The following RIPOR3 variants were observed in gnomAD, a reference collection of about 807,000 sequenced individuals.
RIPOR3 encodes family with sequence similarity 65 member C.
RIPOR3 carries 95 observed loss-of-function variants against 114.3 expected under a neutral mutation model. The observed-to-expected ratio is 0.83, with a 90% CI of 0.70 to 0.99. RIPOR3 has a LOEUF of 0.99. Among genes scored for constraint, RIPOR3 ranks in the 50% least tolerant of loss-of-function variants. RIPOR3 has a pLI of 0.00. For missense variants in RIPOR3, 1,252 were observed against 1,266.9 expected, an observed-to-expected ratio of 0.99 and a Z score of 0.18; for synonymous variants, 575 against 543.8, an observed-to-expected ratio of 1.06 and a Z score of -0.80.
intron 1 of RIPOR3, among the ~76,000 whole-genome samples, chr20:50,645,133 C>T (rs1028963508): frequency 2.6e-5 from 4 of 152,130 alleles, no homozygotes; most frequent in African/African-American, 4.8e-5. Flanking sequence ...TGAGCCACTG[C>T]GCCTGGCCCC....
intron 11 of RIPOR3, 49 bp downstream of exon 11, chr20:50,608,340 A>C: frequency 6.2e-7 from 1 of 1,608,952 alleles, no homozygotes; most frequent in Non-Finnish European, 8.5e-7. Flanking sequence ...CCAGGCCACC[A>C]GGGGCAGCCA....
At chr20:50,615,108 AGTGTGTGTGTGTGTGTGTGT>A (rs56136460) in intron 4 of RIPOR3, among the ~76,000 whole-genome samples, 7 of 138,514 alleles carry the variant, frequency 5.1e-5, no homozygotes, top group East Asian at 2.2e-4. Context: ...GCTATTTGTG[AGTGTGTGTGTGTGTGTGTGT>A]GTGTGTGTGT....
Position 50,608,478 on chromosome 20 carries a change from G to C in RIPOR3, c.867C>G (p.Ile289Met), listed in dbSNP as rs1190899402. 1 of 1,613,810 alleles carries C rather than the reference G, an allele frequency of 6.2e-7. No homozygotes were observed. Among genetic ancestry groups the C allele is most frequent in the Non-Finnish European group, 8.5e-7 (1 of 1,179,940 alleles). ...SLAVGAVTCD[I>M]ADFFTTRPQV... ...GCGGCCGCGTCGTGAAGAAGTCGGC[G>C]ATGTCACACGTCACTGCACCCACAG... The change falls in exon 11 of 22, where the codon ATC becomes ATG. Residue 289 changes from isoleucine (I) to methionine (M), a missense_variant. By Grantham distance (10) the Ile-to-Met change is conservative. Coordinates refer to ENST00000327979, the MANE Select transcript of RIPOR3 (RefSeq NM_001290268.2).
intron 1 of RIPOR3, among the ~76,000 whole-genome samples, chr20:50,671,426 G>GCACACACA (rs769289403): frequency 8.9e-6 from 1 of 112,556 alleles, no homozygotes; most frequent in African/African-American, 5.4e-5. Context: ...GCACGCGCGC[G>GCACACACA]CGCACACACA....
At chr20:50,638,621 G>A (rs911975902) in intron 1 of RIPOR3, among the ~76,000 whole-genome samples, 5 of 152,178 alleles carry the variant, frequency 3.3e-5, no homozygotes, top group African/African-American at 1.2e-4. Context: ...TGTGTGTCGG[G>A]GCGCCAGGTG....
In RIPOR3 at chr20:50,593,066, C is replaced by A; in HGVS notation, c.2343G>T (p.Leu781=). The A allele has an allele frequency of 6.2e-7, 1 of 1,614,128 alleles. No individual in the cohort carries two copies. Among genetic ancestry groups the A allele is most frequent in the African/African-American group, 1.3e-5 (1 of 75,060 alleles). Residue 781 remains leucine (L), a synonymous_variant, in exon 18 of 22, where the codon CTG becomes CTT. Coordinates refer to ENST00000327979, the MANE Select transcript of RIPOR3 (RefSeq NM_001290268.2). ...SYLQRQSVSD[L]EKHFTQLTKE... ...TGGTGAGCTGGGTGAAGTGCTTCTCCAGGTCAGAGACGCTCTGCCTCTGCA... is the reference window on the plus strand; with the variant it reads ...TGGTGAGCTGGGTGAAGTGCTTCTCAAGGTCAGAGACGCTCTGCCTCTGCA...
chr20:50,639,688 A>G (rs401303), intron 1 of RIPOR3, among the ~76,000 whole-genome samples: 14 of 152,210 alleles, frequency 9.2e-5, no homozygotes, highest in African/African-American at 1.7e-4. Context: ...GGGCAACACC[A>G]TGAGCCAAAA....
At chr20:50,676,052 A>C (rs1409462680) in intron 1 of RIPOR3, among the ~76,000 whole-genome samples, 5 of 152,240 alleles carry the variant, frequency 3.3e-5, no homozygotes, top group Non-Finnish European at 2.9e-5. Flanking sequence ...AAAACCACAC[A>C]ACAGCGAAGA....
intron 1 of RIPOR3, among the ~76,000 whole-genome samples, chr20:50,647,014 T>C (rs1206041572): frequency 6.6e-6 from 1 of 152,130 alleles, no homozygotes; most frequent in African/African-American, 2.4e-5. Flanking sequence ...GTACTAAGTT[T>C]TGAGCTCATG....
intron 1 of RIPOR3, among the ~76,000 whole-genome samples, chr20:50,635,629 GC>G (rs2084958154): frequency 6.6e-6 from 1 of 152,084 alleles, no homozygotes; most frequent in African/African-American, 2.4e-5. Flanking sequence ...CTCCAGCCTG[GC>G]TAACACAGTG....
At chr20:50,653,584 C>T (rs2085697078) in intron 1 of RIPOR3, among the ~76,000 whole-genome samples, 1 of 124,012 alleles carries the variant, frequency 8.1e-6, no homozygotes, top group African/African-American at 2.9e-5. Context: ...TATGCCACCA[C>T]ACTTGGCTAA....
At chr20:50,629,751 T>C (rs969637386) in intron 2 of RIPOR3, among the ~76,000 whole-genome samples, 2 of 152,104 alleles carry the variant, frequency 1.3e-5, no homozygotes, top group Non-Finnish European at 2.9e-5. Context: ...ACAATTCCCA[T>C]TGTTCAGATG....
chr20:50,608,851 C>G (rs2083831436), intron 9 of RIPOR3, 61 bp downstream of exon 9: 1 of 1,607,814 alleles, frequency 6.2e-7, no homozygotes. Flanking sequence ...TTCCCAGCAG[C>G]TCCCGTCCCC....
chr20:50,667,286 CTTTTTTTTTT>C (rs139859156), intron 1 of RIPOR3, among the ~76,000 whole-genome samples: 2 of 67,540 alleles, frequency 3.0e-5, no homozygotes, highest in African/African-American at 1.1e-4. Flanking sequence ...CTTTAAACTA[CTTTTTTTTTT>C]TTTTTTTTTT....
chr20:50,641,055 A>G (rs1418208937), intron 1 of RIPOR3, among the ~76,000 whole-genome samples: 1 of 151,714 alleles, frequency 6.6e-6, no homozygotes, highest in Non-Finnish European at 1.5e-5. Context: ...GATTACAGGC[A>G]TGCACCACCA....
At chr20:50,621,138 C>T (rs2084389024) in intron 2 of RIPOR3, 3 of 353,616 alleles carry the variant, frequency 8.5e-6, no homozygotes, top group Non-Finnish European at 5.4e-6. Context: ...AAAAAAAGAA[C>T]AGTAATAAAA....
rs1458354502 is a variant in RIPOR3, at chr20:50,609,711, C to T, written c.438G>A (p.Leu146=). The change falls in exon 7 of 22, where the codon CTG becomes CTA. Residue 146 remains leucine, a synonymous_variant. Transcript: ENST00000327979. ...MEFHISKVDE[L]YEDYCIQCRL... The stretch of plus-strand genomic sequence containing the variant: ...GGCACTGGATGCAGTAGTCCTCGTA[C>T]AGCTCATCCACCTGTGGTGGGCACA... 4 of 1,378,156 alleles carry T rather than the reference C, an allele frequency of 2.9e-6. No individual in the cohort carries two copies. The highest frequency in any genetic ancestry group is 1.5e-5 in the African/African-American group (1 of 65,788). 85.4% of individuals were successfully genotyped at this position (1,378,156 alleles called of 1,614,324 possible). A position where few individuals can be genotyped will look rare whatever the true frequency, so the allele number is the denominator to read the frequency against.
At chr20:50,652,619 G>C (rs1429830669) in intron 1 of RIPOR3, among the ~76,000 whole-genome samples, 2 of 140,364 alleles carry the variant, frequency 1.4e-5, no homozygotes, top group African/African-American at 5.3e-5. Flanking sequence ...AAAAAGAAAA[G>C]AAAAGAAAAG....
At chr20:50,606,001 C>T (rs1046072380) in intron 11 of RIPOR3, among the ~76,000 whole-genome samples, 24 of 152,074 alleles carry the variant, frequency 1.6e-4, no homozygotes, top group African/African-American at 4.6e-4. Flanking sequence ...GTCAGGAGTT[C>T]GAGACCAGCC....
Sources: allele counts gnomAD v4.1 joint callset (sites outside exome capture counted in the v4.1 genomes callset), GRCh38; gene constraint gnomAD v4.1.1; transcripts MANE v1.5; gene names NCBI Gene and HGNC (gene_info 2026-07-23, HGNC 2026-07-21).